CACNA1C: variants seen among roughly 807,000 people sequenced by gnomAD.
CACNA1C encodes voltage-dependent L-type calcium channel subunit alpha-1C.
In CACNA1C, 30 loss-of-function variants were observed where a neutral mutation model predicts 229.0. The ratio of observed to expected loss-of-function variants is 0.13; its 90% CI spans 0.10 to 0.18. CACNA1C has a LOEUF of 0.18. Among genes scored for constraint, CACNA1C ranks in the 10% least tolerant of loss-of-function variants. The pLI, the probability that CACNA1C is intolerant of heterozygous loss-of-function variation, is 1.00. For missense variants in CACNA1C, 1,658 were observed against 2,845.0 expected (o/e 0.58, Z 9.49); for synonymous variants, 1,114 against 1,132.5 (o/e 0.98, Z 0.33).
chr12:2,668,517 G>A (rs1031096091), intron 37 of CACNA1C: 2 of 175,998 alleles, frequency 1.1e-5, no homozygotes, highest in South Asian at 1.5e-4. Context: ...TAAGAAAACA[G>A]GTTTAATTGG....
Position 2,354,755 on chromosome 12 carries a change from C to T in CACNA1C, c.478-94221C>T, listed in dbSNP as rs893726043. Among the ~76,000 whole-genome samples the T allele has an allele frequency of 6.6e-6, 1 of 152,184 alleles. No homozygotes were observed. The highest frequency in any genetic ancestry group is 1.5e-5 in the Non-Finnish European group (1 of 68,034). ...ACTTGGGCCTGACACCTGCTTTTGC[C>T]TTCTCCAGACACGGCAAGACTGGCC... On this transcript the variant is annotated intron_variant, in intron 3 of 46. Transcript: ENST00000399655. This position sits in a 1 kb window ranked among gnomAD's most constrained non-coding sequence, Gnocchi z 4.6.
At chr12:2,255,766 A>T (rs954919901) in intron 3 of CACNA1C, among the ~76,000 whole-genome samples, 1 of 120,246 alleles carries the variant, frequency 8.3e-6, no homozygotes, top group Admixed American at 8.8e-5. Context: ...GGCCCTACGG[A>T]TATCACATTA....
intron 5 of CACNA1C, among the ~76,000 whole-genome samples, chr12:2,474,756 C>CAAA (rs34963749): frequency 5.0e-5 from 5 of 99,870 alleles, no homozygotes; most frequent in Non-Finnish European, 9.8e-5. Flanking sequence ...AACTCCATCT[C>CAAA]AAAAAAAAAA....
chr12:2,496,675 T>G (rs775627360), intron 7 of CACNA1C, among the ~76,000 whole-genome samples: 1 of 152,250 alleles, frequency 6.6e-6, no homozygotes, highest in Non-Finnish European at 1.5e-5. Context: ...ACTTGAACAT[T>G]GCTTCAGCTA....
At chr12:2,514,445 C>T (rs1249203968) in intron 9 of CACNA1C, among the ~76,000 whole-genome samples, 2 of 152,170 alleles carry the variant, frequency 1.3e-5, no homozygotes, top group Non-Finnish European at 2.9e-5. Context: ...AGTTGGAATA[C>T]AGGGCCTTTG....
intron 5 of CACNA1C, among the ~76,000 whole-genome samples, chr12:2,475,651 G>A (rs1272465075): frequency 2.0e-5 from 3 of 152,204 alleles, no homozygotes; most frequent in African/African-American, 7.2e-5. Context: ...ACTAGAGAGA[G>A]GGCAGGGAAA....
At chr12:2,252,745 A>T (rs898973759) in intron 3 of CACNA1C, among the ~76,000 whole-genome samples, 3 of 152,180 alleles carry the variant, frequency 2.0e-5, no homozygotes, top group Non-Finnish European at 4.4e-5. Context: ...TGTTAGGTCA[A>T]ACCCCTTCTT....
intron 3 of CACNA1C, among the ~76,000 whole-genome samples, chr12:2,312,126 T>C (rs972322455): frequency 6.6e-6 from 1 of 152,166 alleles, no homozygotes; most frequent in South Asian, 2.1e-4. Context: ...CAGAAACCCA[T>C]GCCCCTGGAG....
chr12:2,323,776 A>C (rs2154499490), intron 3 of CACNA1C, among the ~76,000 whole-genome samples: 1 of 152,088 alleles, frequency 6.6e-6, no homozygotes, highest in South Asian at 2.1e-4. Flanking sequence ...GGTGGGTCTA[A>C]TGGAGGCTGC....
At chr12:2,116,795 CTG>C (rs949485878) in intron 2 of CACNA1C, among the ~76,000 whole-genome samples, 133 of 152,252 alleles carry the variant, frequency 8.7e-4, no homozygotes, top group African/African-American at 3.1e-3. Flanking sequence ...CTGGTACTGA[CTG>C]TGGGAATTTT....
chr12:2,028,631 C>CAGAG (rs2154491261), intron 1 of CACNA1C, among the ~76,000 whole-genome samples: 1 of 152,294 alleles, frequency 6.6e-6, no homozygotes, highest in African/African-American at 2.4e-5. Flanking sequence ...GGCTGTGACA[C>CAGAG]AGAGAGGTTA....
At chr12:2,045,455 C>G (rs1256956589) in intron 1 of CACNA1C, among the ~76,000 whole-genome samples, 1 of 152,164 alleles carries the variant, frequency 6.6e-6, no homozygotes, top group African/African-American at 2.4e-5. Flanking sequence ...GTTGGCTTGG[C>G]CAGGTTACTG....
At chr12:2,590,437 G>T (rs1359010017) in intron 18 of CACNA1C, among the ~76,000 whole-genome samples, 3 of 152,196 alleles carry the variant, frequency 2.0e-5, no homozygotes, top group Non-Finnish European at 2.9e-5. Flanking sequence ...AGGCTAGGTG[G>T]TTCAGTTGCC....
intron 9 of CACNA1C, among the ~76,000 whole-genome samples, chr12:2,542,972 A>C (rs1000080639): frequency 1.3e-5 from 2 of 152,222 alleles, no homozygotes; most frequent in Non-Finnish European, 2.9e-5. Context: ...CTACCAGCCA[A>C]GTTCCAGAAT....
At position 2,513,064 on chromosome 12, in the gene CACNA1C, C is replaced by G. The variant is rs1380602537; in HGVS notation, c.1390+80C>G. On this transcript the variant is annotated intron_variant, in intron 9 of 46. Transcript: ENST00000399655. ...CATCGGGGTCAGCACAGAACTTTGA[C>G]CGCCACCCTTTCTTAGAAGCCCACG... The G allele has an allele frequency of 9.1e-6, 11 of 1,206,068 alleles. No individual in the cohort carries two copies. In the East Asian group the frequency reaches 1.9e-4, roughly 20 times the overall value. The allele number at this position is 1,206,068 out of a possible 1,614,324, so 74.7% of individuals were successfully genotyped here.
intron 1 of CACNA1C, among the ~76,000 whole-genome samples, chr12:2,055,908 C>A (rs1364605466): frequency 6.6e-6 from 1 of 152,070 alleles, no homozygotes; most frequent in African/African-American, 2.4e-5. Flanking sequence ...GTGGGAAGGG[C>A]AGACCTAGAA....
chr12:2,033,541 C>T (rs907030655), intron 1 of CACNA1C, among the ~76,000 whole-genome samples: 2 of 152,154 alleles, frequency 1.3e-5, no homozygotes, highest in African/African-American at 2.4e-5. Context: ...GTCCTTGGGG[C>T]TTGGGGGCAT....
At chr12:2,558,436 A>C (rs953217925) in intron 11 of CACNA1C, among the ~76,000 whole-genome samples, 3 of 152,106 alleles carry the variant, frequency 2.0e-5, no homozygotes, top group African/African-American at 7.2e-5. Flanking sequence ...CTGACCCTTG[A>C]GTTCTGTTGG....
intron 30 of CACNA1C, among the ~76,000 whole-genome samples, chr12:2,642,609 A>G (rs1413695978): frequency 6.6e-6 from 1 of 152,152 alleles, no homozygotes; most frequent in Non-Finnish European, 1.5e-5. Flanking sequence ...CACCCAGGGA[A>G]TCATCTGTTT....
Sources: gnomAD v4.1 joint callset for allele counts (sites outside exome capture counted in the v4.1 genomes callset) on GRCh38, gnomAD v4.1.1 for gene constraint, Gnocchi (gnomAD v3.1) non-coding constraint, MANE v1.5 for transcripts, NCBI Gene and HGNC (gene_info 2026-07-23, HGNC 2026-07-21) for gene names.